The following SYNJ2 variants were observed in gnomAD, a reference collection of about 807,000 sequenced individuals.
The protein encoded by SYNJ2 is polyphosphatidylinositol phosphatase SYNJ2.
Under a neutral mutation model 141.3 loss-of-function variants are expected in SYNJ2, and 116 were observed. The ratio of observed to expected loss-of-function variants is 0.82; its 90% confidence interval spans 0.71 to 0.96. The LOEUF is 0.96. SYNJ2 is among the 40% of genes least tolerant of loss of function. The pLI is 0.00. For synonymous variants in SYNJ2, 745 were observed against 777.7 expected (o/e 0.96, Z 0.70); for missense variants, 1,873 against 1,934.8 (o/e 0.97, Z 0.60).
intron 8 of SYNJ2, among the ~76,000 whole-genome samples, chr6:158,062,899 G>A: frequency 6.6e-6 from 1 of 152,288 alleles, no homozygotes; most frequent in East Asian, 1.9e-4. Context: ...GCCCCAAGCA[G>A]TGTGCCGAAG....
In SYNJ2 at chr6:158,070,439, T is replaced by G. The variant is rs149333141; in HGVS notation, c.1940+766T>G. ...CCTCTTCTCTGACTTTCAGAAGATG[T>G]TTAGGTCCCTGTCCCTCTGCTTGTG... On this transcript the variant is annotated intron_variant, in intron 14 of 26. Transcript: ENST00000355585. The surrounding 1 kb of genome is among the most constrained non-coding windows in gnomAD (Gnocchi z 4.0). 1,317 of 985,462 alleles carry G rather than the reference T, an allele frequency of 1.3e-3. 17 individuals are homozygous for G. In the African/African-American group the frequency reaches 0.021, roughly 16 times the overall value. 61.0% of individuals were successfully genotyped at this position (985,462 alleles called of 1,614,324 possible). A position where few individuals can be genotyped will look rare whatever the true frequency, so the allele number is the denominator to read the frequency against.
rs538152849 is a variant in SYNJ2 at position 158,056,279 on chromosome 6, C to T, written c.857+1251C>T. 1.1e-4 allele frequency among the ~76,000 whole-genome samples: 16 copies of T among 152,266 alleles called. No homozygotes were observed. The South Asian group carries it at 1.2e-3, about 12-fold the overall frequency. On this transcript the variant is annotated intron_variant, in intron 6 of 26. Coordinates refer to ENST00000355585, the MANE Select transcript of SYNJ2 (RefSeq NM_003898.4). ...GGTAATGCATGGTGTGTGAGATGCA[C>T]GTACCACAGAGAATGAGACCTCTCT...
chr6:158,000,171 G>A (rs1222581120), intron 1 of SYNJ2, among the ~76,000 whole-genome samples: 1 of 142,744 alleles, frequency 7.0e-6, no homozygotes, highest in Non-Finnish European at 1.5e-5. Flanking sequence ...CCAGATCCAC[G>A]GAATGACGGT....
At chr6:158,021,787 C>A (rs1778788351) in intron 2 of SYNJ2, among the ~76,000 whole-genome samples, 1 of 152,232 alleles carries the variant, frequency 6.6e-6, no homozygotes, top group Admixed American at 6.5e-5. Context: ...TTGAAGCGAA[C>A]TGGCCTTTGT....
At chr6:158,029,583 A>G (rs1779257239) in intron 3 of SYNJ2, among the ~76,000 whole-genome samples, 1 of 151,924 alleles carries the variant, frequency 6.6e-6, no homozygotes, top group Non-Finnish European at 1.5e-5. Flanking sequence ...AGAAAGAAAG[A>G]AAAGAAACCC....
intron 1 of SYNJ2, among the ~76,000 whole-genome samples, chr6:158,008,979 C>T (rs573134952): frequency 1.8e-4 from 27 of 152,320 alleles, no homozygotes; most frequent in African/African-American, 5.3e-4. Flanking sequence ...TCACACTGCC[C>T]GCCTCGCTGG....
chr6:157,997,385 T>G (rs73579608), intron 1 of SYNJ2, among the ~76,000 whole-genome samples: 6,102 of 152,162 alleles, frequency 0.04, 404 homozygotes, highest in African/African-American at 0.14. Context: ...GGCGTGCTTA[T>G]AAGAAGAAAA....
chr6:157,990,436 G>A (rs951943822), intron 1 of SYNJ2, among the ~76,000 whole-genome samples: 4 of 151,890 alleles, frequency 2.6e-5, no homozygotes, highest in South Asian at 4.1e-4. Context: ...CCTCACCCCC[G>A]CACGCCTGCT....
At chr6:158,059,500 T>C in intron 7 of SYNJ2, 147 bp downstream of exon 7, 2 of 1,455,268 alleles carry the variant, frequency 1.4e-6, no homozygotes, top group Non-Finnish European at 1.8e-6. Flanking sequence ...TTCCGACCAG[T>C]GAACACGGCA....
chr6:158,068,504 T>A, intron 12 of SYNJ2, 143 bp from the exon 13 acceptor site: 1 of 843,452 alleles, frequency 1.2e-6, no homozygotes, highest in Non-Finnish European at 1.9e-6. Context: ...ACTGGGGCAG[T>A]TCCCAGCAGC....
chr6:157,987,648 C>T (rs1294770649), intron 1 of SYNJ2, among the ~76,000 whole-genome samples: 8 of 152,202 alleles, frequency 5.3e-5, no homozygotes, highest in South Asian at 2.1e-4. Context: ...GTGATCCGCC[C>T]GCCTCGGCCT....
At position 158,033,690 on chromosome 6, in the gene SYNJ2, C is replaced by T. The variant is rs1195073718; in HGVS notation, c.711+10C>T. The T allele has an allele frequency of 4.4e-6, 7 of 1,594,132 alleles. No homozygotes were observed. Among genetic ancestry groups the T allele is most frequent in the Middle Eastern group, 1.7e-4 (1 of 6,040 alleles). ...CGTGGAGACAGAGCAGGTGAGTGCC[C>T]AGGCCCATCTGTGGCACCAAATGGT... is the stretch of plus-strand genomic sequence containing the variant. On this transcript the variant is annotated intron_variant, in intron 4 of 26. Coordinates refer to ENST00000355585, the MANE Select transcript of SYNJ2 (RefSeq NM_003898.4).
intron 1 of SYNJ2, among the ~76,000 whole-genome samples, chr6:157,984,059 C>T (rs1430464141): frequency 6.6e-6 from 1 of 152,196 alleles, no homozygotes; most frequent in Non-Finnish European, 1.5e-5. Context: ...TGTTCTCGAA[C>T]TCCTGGGCTC....
chr6:158,053,551 C>A (rs567360421), intron 5 of SYNJ2, among the ~76,000 whole-genome samples: 2 of 151,792 alleles, frequency 1.3e-5, no homozygotes, highest in East Asian at 3.9e-4. Flanking sequence ...CATCTGTCAC[C>A]CATTAACCCA....
In SYNJ2 at chr6:158,062,191, G is replaced by A. The variant is rs147623433; in HGVS notation, c.1127+27G>A. On this transcript the variant is annotated intron_variant, in intron 8 of 26. Coordinates refer to ENST00000355585, the MANE Select transcript of SYNJ2 (RefSeq NM_003898.4). ...TGAGGCTCGCTGCGCACTGTGCCGC[G>A]TCTTCTGCTGGGGGGAAGCGTCAGT... 2.1e-4 allele frequency: 333 copies of A among 1,601,722 alleles called. 3 individuals carry two copies. The East Asian group carries it at 6.3e-3, about 31-fold the overall frequency.
At chr6:158,079,593 A>T (rs959410308) in intron 18 of SYNJ2, among the ~76,000 whole-genome samples, 5 of 151,542 alleles carry the variant, frequency 3.3e-5, no homozygotes, top group Non-Finnish European at 5.9e-5. Context: ...CTGGTCTCCA[A>T]CTCCTGGCCT....
At chr6:158,048,851 C>A (rs916997306) in intron 5 of SYNJ2, among the ~76,000 whole-genome samples, 1 of 152,196 alleles carries the variant, frequency 6.6e-6, no homozygotes, top group Non-Finnish European at 1.5e-5. Context: ...GGTGCACCGT[C>A]GGCTTGCAAG....
chr6:158,065,779 T>C (rs990050316), intron 11 of SYNJ2, among the ~76,000 whole-genome samples: 2 of 152,320 alleles, frequency 1.3e-5, no homozygotes, highest in Middle Eastern at 3.4e-3. Flanking sequence ...GCCAGCTCTG[T>C]AAAAGGTGAA....
At chr6:157,996,696 T>TC (rs1777644900) in intron 1 of SYNJ2, among the ~76,000 whole-genome samples, 1 of 152,006 alleles carries the variant, frequency 6.6e-6, no homozygotes, top group East Asian at 1.9e-4. Context: ...GTCAGCACCA[T>TC]CCCCCCTGGG....
Sources: gnomAD v4.1 joint callset for allele counts (sites outside exome capture counted in the v4.1 genomes callset) on GRCh38, gnomAD v4.1.1 for gene constraint, Gnocchi (gnomAD v3.1) non-coding constraint, MANE v1.5 for transcripts, NCBI Gene and HGNC (gene_info 2026-07-23, HGNC 2026-07-21) for gene names.